Variants in CACNA1A observed in about 807,000 individuals in gnomAD.
CACNA1A encodes calcium voltage-gated channel subunit alpha1 A.
Under a neutral mutation model 262.4 loss-of-function variants are expected in CACNA1A, and 57 were observed. That is an observed-to-expected ratio of 0.22 (90% CI 0.18 to 0.27). The LOEUF (loss-of-function observed/expected upper bound fraction) is 0.27, where lower values mean the gene tolerates loss of function less well. Among genes scored for constraint, CACNA1A ranks in the 10% least tolerant of loss-of-function variants. The pLI is 1.00. For synonymous variants in CACNA1A, 1,431 were observed against 1,419.3 expected (o/e 1.01, Z -0.18); for missense variants, 2,526 against 3,562.8 (o/e 0.71, Z 7.41).
At chr19:13,315,719 G>T (rs1322072364) in intron 11 of CACNA1A, 2 of 152,190 alleles carry the variant, frequency 1.3e-5, no homozygotes, top group Non-Finnish European at 2.9e-5. Flanking sequence ...AACAAGGAGG[G>T]TTATAAGAAG....
At chr19:13,226,225 A>C (rs1430932738) in intron 37 of CACNA1A, 1 of 124,194 alleles carries the variant, frequency 8.1e-6, no homozygotes, top group African/African-American at 3.1e-5. Context: ...ATCTAAGCAG[A>C]GACTGAGAGA....
At chr19:13,257,307 G>T in intron 28 of CACNA1A, 43 bp downstream of exon 28, 1 of 1,517,490 alleles carries the variant, frequency 6.6e-7, no homozygotes, top group Non-Finnish European at 9.1e-7. Context: ...AAGTTTGTGT[G>T]TGTCCCCAGT....
At position 13,464,564 on chromosome 19, in the gene CACNA1A, TTA is replaced by T. The variant is rs1217045100; in HGVS notation, c.294-9354_294-9353del. On this transcript the variant is annotated intron_variant, in intron 1 of 46. Transcript: ENST00000360228. The stretch of plus-strand genomic sequence containing the variant: ...TCCAATTTTTTTTTTTTTTTTTTTT[TTA>T]GAGACCGAGTCTTGCTCTTTCGCCC... Among the ~76,000 whole-genome samples, 22 of 136,234 alleles carry T rather than the reference TTA, an allele frequency of 1.6e-4. 1 individual carries two copies. Among genetic ancestry groups the T allele is most frequent in the Admixed American group, 1.1e-3 (15 of 13,388 alleles). The allele number at this position is 136,234 out of a possible 152,430, so 89.4% of individuals were successfully genotyped here. A position where few individuals can be genotyped will look rare whatever the true frequency, so the allele number is the denominator to read the frequency against.
At chr19:13,331,529 G>A (rs903552166) in intron 9 of CACNA1A, among the ~76,000 whole-genome samples, 7 of 151,868 alleles carry the variant, frequency 4.6e-5, no homozygotes, top group Admixed American at 4.6e-4. Flanking sequence ...GAGCCACCAC[G>A]CCCAGCCCCT....
chr19:13,329,486 C>CTTTT (rs35821858), intron 10 of CACNA1A, among the ~76,000 whole-genome samples: 3 of 123,856 alleles, frequency 2.4e-5, no homozygotes, highest in African/African-American at 9.5e-5. Context: ...TGGTTTGTGT[C>CTTTT]TTTTTTTTTT....
At chr19:13,234,453 C>G (rs927946190) in intron 34 of CACNA1A, among the ~76,000 whole-genome samples, 1 of 151,868 alleles carries the variant, frequency 6.6e-6, no homozygotes, top group Admixed American at 6.6e-5. Flanking sequence ...AGAATCAAGC[C>G]TCACGGTCTG....
intron 24 of CACNA1A, among the ~76,000 whole-genome samples, chr19:13,268,026 GCGCTGGGATTACAAGTGTGAGC>G (rs1009312570): frequency 6.6e-6 from 1 of 151,994 alleles, no homozygotes; most frequent in African/African-American, 2.4e-5. Flanking sequence ...GCCTCCCAGA[GCGCTGGGATTACAAGTGTGAGC>G]CACTGCATCC....
chr19:13,503,652 C>A (rs1043283662), intron 1 of CACNA1A, among the ~76,000 whole-genome samples: 11 of 149,842 alleles, frequency 7.3e-5, no homozygotes, highest in African/African-American at 2.7e-4. Flanking sequence ...CCGCCACCGC[C>A]CTCCGCTCCA....
At chr19:13,440,840 G>A (rs898983151) in intron 3 of CACNA1A, among the ~76,000 whole-genome samples, 5 of 152,166 alleles carry the variant, frequency 3.3e-5, no homozygotes, top group African/African-American at 7.2e-5. Flanking sequence ...TTTGAGACAA[G>A]GTCTCGCTCT....
intron 6 of CACNA1A, among the ~76,000 whole-genome samples, chr19:13,339,684 A>C (rs1256894481): frequency 6.6e-6 from 1 of 152,176 alleles, no homozygotes; most frequent in Non-Finnish European, 1.5e-5. Flanking sequence ...CCCATGAATA[A>C]GTACAATTAC....
chr19:13,269,942 G>C (rs1298700347), intron 24 of CACNA1A, among the ~76,000 whole-genome samples: 1 of 152,200 alleles, frequency 6.6e-6, no homozygotes, highest in Admixed American at 6.5e-5. Flanking sequence ...GACCCCAACA[G>C]GCCAGAATGG....
At chr19:13,323,507 G>C (rs1449246815) in intron 10 of CACNA1A, among the ~76,000 whole-genome samples, 1 of 151,920 alleles carries the variant, frequency 6.6e-6, no homozygotes, top group Non-Finnish European at 1.5e-5. Flanking sequence ...TGTCGCCCAG[G>C]GTGGAGTGCA....
chr19:13,243,055 C>G (rs1568455241), intron 31 of CACNA1A, among the ~76,000 whole-genome samples: 1 of 152,242 alleles, frequency 6.6e-6, no homozygotes, highest in Non-Finnish European at 1.5e-5. Flanking sequence ...TTCTGGGGAG[C>G]TGGACCATCC....
intron 6 of CACNA1A, among the ~76,000 whole-genome samples, chr19:13,345,464 G>A (rs987070801): frequency 6.6e-6 from 1 of 152,168 alleles, no homozygotes; most frequent in Admixed American, 6.6e-5. Flanking sequence ...ATCGCTGGTG[G>A]TGCCTGGTGC....
intron 35 of CACNA1A, among the ~76,000 whole-genome samples, chr19:13,231,153 A>G (rs2055653046): frequency 6.6e-6 from 1 of 150,672 alleles, no homozygotes; most frequent in Non-Finnish European, 1.5e-5. Flanking sequence ...GCAGGTGCAC[A>G]GCACCACGTG....
intron 3 of CACNA1A, among the ~76,000 whole-genome samples, chr19:13,416,303 A>G (rs941354824): frequency 1.3e-4 from 20 of 152,094 alleles, no homozygotes; most frequent in Admixed American, 4.6e-4. Context: ...GGGTCTTCCT[A>G]TGTTGCCCAG....
chr19:13,254,987 C>A, intron 29 of CACNA1A, 108 bp downstream of exon 29: 1 of 1,155,380 alleles, frequency 8.7e-7, no homozygotes, highest in South Asian at 1.4e-5. Flanking sequence ...CAGAGGTGAT[C>A]CAGAGTGTGG....
At chr19:13,444,232 G>A (rs1441988889) in intron 3 of CACNA1A, among the ~76,000 whole-genome samples, 1 of 152,158 alleles carries the variant, frequency 6.6e-6, no homozygotes, top group Non-Finnish European at 1.5e-5. Context: ...TTGGTACCAA[G>A]GATGACTGAT....
chr19:13,278,918 G>C (rs1488140566), intron 22 of CACNA1A, among the ~76,000 whole-genome samples: 1 of 151,986 alleles, frequency 6.6e-6, no homozygotes, highest in East Asian at 1.9e-4. Context: ...GGATTGGCTT[G>C]AAAGACCTGG....
Sources: gnomAD v4.1 joint callset for allele counts (sites outside exome capture counted in the v4.1 genomes callset) on GRCh38, gnomAD v4.1.1 for gene constraint, MANE v1.5 for transcripts, NCBI Gene and HGNC (gene_info 2026-07-23, HGNC 2026-07-21) for gene names.